USP34: variants seen among roughly 807,000 people sequenced by gnomAD.
The protein encoded by USP34 is ubiquitin carboxyl-terminal hydrolase 34.
USP34 carries 70 observed loss-of-function variants against 460.3 expected under a neutral mutation model. That is an observed-to-expected ratio of 0.15 (90% confidence interval 0.13 to 0.19). The LOEUF (loss-of-function observed/expected upper bound fraction) is 0.19, where lower values mean the gene tolerates loss of function less well. Ranked by LOEUF, USP34 falls within the 10% of genes least tolerant of loss-of-function variation. The probability of loss-of-function intolerance (pLI) is 1.00; values close to 1 mark genes in which losing one functional copy is unlikely to be tolerated. For missense variants in USP34, 3,985 were observed against 4,236.2 expected, an observed-to-expected ratio of 0.94 and a Z score of 1.65; for synonymous variants, 1,647 against 1,405.3, an observed-to-expected ratio of 1.17 and a Z score of -3.85.
chr2:61,218,162 T>C (rs1687455676), intron 67 of USP34, among the ~76,000 whole-genome samples: 1 of 145,752 alleles, frequency 6.9e-6, no homozygotes, highest in Non-Finnish European at 1.5e-5. Flanking sequence ...GGGTTCAGCA[T>C]AGTTTTTTTT....
chr2:61,458,901 A>G (rs1423697991), intron 1 of USP34, among the ~76,000 whole-genome samples: 1 of 151,596 alleles, frequency 6.6e-6, no homozygotes, highest in Non-Finnish European at 1.5e-5. Flanking sequence ...CCCCATTCCT[A>G]CTAAATTTAC....
At chr2:61,301,892 G>A (rs1690237303) in intron 27 of USP34, among the ~76,000 whole-genome samples, 1 of 151,732 alleles carries the variant, frequency 6.6e-6, no homozygotes. Context: ...TTTCTTTAAA[G>A]CACTTGTTAA....
chr2:61,381,229 A>AAAAT (rs1281034123), intron 6 of USP34, among the ~76,000 whole-genome samples: 1 of 147,528 alleles, frequency 6.8e-6, no homozygotes, highest in Non-Finnish European at 1.5e-5. Context: ...AAATAAATAA[A>AAAAT]AAATAAACAA....
rs1323711125 is a variant in USP34 at position 61,283,572 on chromosome 2, TGTGAGTGAGA to T, written c.4833-133_4833-124del. 8.7e-6 allele frequency: 8 copies of T among 918,984 alleles called. No individual in the cohort carries two copies. In the Admixed American group the frequency reaches 1.1e-4, roughly 13 times the overall value. The allele number at this position is 918,984 out of a possible 1,614,324, so 56.9% of individuals were successfully genotyped here. The stretch of plus-strand genomic sequence containing the variant: ...CCCCAAAAAAGGAAAGCAGTGGGTG[TGTGAGTGAGA>T]GTGAGAGTGAGAGTGAGAGAGAGTG... On this transcript the variant is annotated intron_variant, in intron 35 of 79. Coordinates refer to ENST00000398571, the MANE Select transcript of USP34 (RefSeq NM_014709.4).
chr2:61,358,349 G>C (rs1692169634), intron 10 of USP34, among the ~76,000 whole-genome samples: 1 of 151,918 alleles, frequency 6.6e-6, no homozygotes, highest in Admixed American at 6.6e-5. Context: ...ATGAAAATGA[G>C]GGCATTCATA....
At chr2:61,225,456 T>A (rs1284166754) in intron 62 of USP34, among the ~76,000 whole-genome samples, 2 of 152,142 alleles carry the variant, frequency 1.3e-5, no homozygotes, top group African/African-American at 2.4e-5. Context: ...TGCTTTTGAT[T>A]TTTAGAGATT....
chr2:61,383,281 G>C lies in USP34; in HGVS notation c.809C>G (p.Thr270Ser), dbSNP rs374196527. Residue 270 changes from threonine to serine, a missense_variant, in exon 6 of 80, where the codon ACC (threonine) becomes AGC (serine). Thr to Ser is a moderately conservative substitution (Grantham distance 58, BLOSUM62 1). Transcript: ENST00000398571. The stretch of plus-strand genomic sequence containing the variant: ...TTTATAAACTTACCTAATAACATAG[G>C]TCCTAAAAGGTATAATGTGCTGCAT... ...AVMQHIIPFR[T>S]YVIRYLCKLS... 1.2e-6 allele frequency: 2 copies of C among 1,601,810 alleles called. No homozygotes were observed. Among genetic ancestry groups the C allele is most frequent in the Non-Finnish European group, 1.7e-6 (2 of 1,173,192 alleles).
intron 1 of USP34, among the ~76,000 whole-genome samples, chr2:61,421,495 G>C (rs76454698): frequency 6.6e-6 from 1 of 151,980 alleles, no homozygotes; most frequent in African/African-American, 2.4e-5. Flanking sequence ...TACCTTCTTT[G>C]GCTGGTCCAC....
At chr2:61,442,993 A>C (rs1401629426) in intron 1 of USP34, among the ~76,000 whole-genome samples, 2 of 152,132 alleles carry the variant, frequency 1.3e-5, no homozygotes, top group African/African-American at 2.4e-5. Context: ...AGCAACATAC[A>C]TGGAACTGGA....
intron 67 of USP34, 127 bp downstream of exon 67, chr2:61,220,176 AAAAAAAG>A: frequency 2.1e-6 from 1 of 485,168 alleles, no homozygotes; most frequent in Non-Finnish European, 3.1e-6. Flanking sequence ...AAAAAAAAAA[AAAAAAAG>A]GAAATAACAT....
In USP34 at chr2:61,236,299, TCTA is replaced by T. The variant is rs749691002; in HGVS notation, c.6842+23_6842+25del. The T allele has an allele frequency of 2.5e-6, 4 of 1,594,106 alleles. No homozygotes were observed. In the Admixed American group the frequency reaches 7.2e-5, roughly 29 times the overall value. On this transcript the variant is annotated intron_variant, in intron 54 of 79. Transcript: ENST00000398571. Reference sequence around the variant, plus strand: ...AGATTTTTTTAAAATGTGTAAAATATCTACTATGAAATTTACCAAACTTACCCA... The same window carrying T: ...AGATTTTTTTAAAATGTGTAAAATATCTATGAAATTTACCAAACTTACCCA...
chr2:61,388,030 G>C (rs1427081352), intron 5 of USP34, among the ~76,000 whole-genome samples: 2 of 151,734 alleles, frequency 1.3e-5, no homozygotes, highest in African/African-American at 4.8e-5. Flanking sequence ...ACTTTGGAAG[G>C]CCAAGGATGG....
intron 1 of USP34, among the ~76,000 whole-genome samples, chr2:61,461,718 G>A (rs1270528685): frequency 1.3e-5 from 2 of 152,040 alleles, no homozygotes; most frequent in African/African-American, 2.4e-5. Flanking sequence ...ACACAGGCAC[G>A]ACTACGACTA....
chr2:61,336,725 A>G (rs921462075), intron 18 of USP34, among the ~76,000 whole-genome samples: 5 of 146,796 alleles, frequency 3.4e-5, no homozygotes, highest in Non-Finnish European at 5.9e-5. Flanking sequence ...CAGGAGAATC[A>G]CTTGAACCCG....
intron 8 of USP34, among the ~76,000 whole-genome samples, chr2:61,377,896 T>G (rs1285135120): frequency 6.6e-6 from 1 of 152,224 alleles, no homozygotes. Context: ...GAGAGAAATG[T>G]GGCCAGACAC....
Position 61,470,782 on chromosome 2 carries a change from G to C in USP34, c.-90C>G. The stretch of plus-strand genomic sequence containing the variant: ...GGGAGGGGAGAGAGGCGGAGGAGGG[G>C]GCCGGCCGGCCGGCGGGGCGGGGAG... On this transcript the variant is annotated 5_prime_UTR_variant, in exon 1 of 80. Coordinates refer to ENST00000398571, the MANE Select transcript of USP34 (RefSeq NM_014709.4). 1 of 1,135,008 alleles carries C rather than the reference G, an allele frequency of 8.8e-7. No individual in the cohort carries two copies. Among genetic ancestry groups the C allele is most frequent in the Non-Finnish European group, 1.3e-6 (1 of 791,032 alleles). 70.3% of individuals were successfully genotyped at this position (1,135,008 alleles called of 1,614,324 possible).
At chr2:61,438,209 A>T (rs1185433409) in intron 1 of USP34, among the ~76,000 whole-genome samples, 1 of 152,210 alleles carries the variant, frequency 6.6e-6, no homozygotes, top group Non-Finnish European at 1.5e-5. Flanking sequence ...TACGCAAATC[A>T]ATGGATGTCA....
intron 18 of USP34, 124 bp from the exon 19 acceptor site, chr2:61,334,095 CATT>C: frequency 1.7e-6 from 1 of 585,286 alleles, no homozygotes; most frequent in Non-Finnish European, 2.7e-6. Flanking sequence ...ATTACACAAA[CATT>C]AAACTTTTTT....
At chr2:61,193,934 CT>C (rs1686716959) in intron 75 of USP34, 2 of 210,316 alleles carry the variant, frequency 9.5e-6, no homozygotes, top group Admixed American at 6.5e-5. Context: ...GTGTGGCTGT[CT>C]TTCAGTAAAA....
Sources: allele counts gnomAD v4.1 joint callset (sites outside exome capture counted in the v4.1 genomes callset), GRCh38; gene constraint gnomAD v4.1.1; transcripts MANE v1.5; gene names NCBI Gene and HGNC (gene_info 2026-07-23, HGNC 2026-07-21).